Variants in LMBR1 observed in about 807,000 individuals in gnomAD.
LMBR1 encodes limb development membrane protein 1.
In LMBR1, 52 loss-of-function variants were observed where a neutral mutation model predicts 73.9. The observed-to-expected ratio is 0.70, with a 90% CI of 0.56 to 0.89. The LOEUF is 0.89. Among genes scored for constraint, LMBR1 ranks in the 40% least tolerant of loss-of-function variants. The probability of loss-of-function intolerance (pLI) is 0.00; values close to 1 mark genes in which losing one functional copy is unlikely to be tolerated. For synonymous variants in LMBR1, 215 were observed against 209.4 expected (o/e 1.03, Z -0.23); for missense variants, 539 against 579.8 (o/e 0.93, Z 0.72).
At chr7:156,816,231 A>T (rs1463775125) in intron 4 of LMBR1, among the ~76,000 whole-genome samples, 1 of 151,896 alleles carries the variant, frequency 6.6e-6, no homozygotes, top group Non-Finnish European at 1.5e-5. Flanking sequence ...TTGGAGACAG[A>T]GTCTCACTCT....
intron 1 of LMBR1, among the ~76,000 whole-genome samples, chr7:156,864,763 C>T (rs1340195882): frequency 6.6e-6 from 1 of 151,876 alleles, no homozygotes; most frequent in African/African-American, 2.4e-5. Flanking sequence ...TTGGGAGGCC[C>T]GACACGGGTG....
chr7:156,739,677 T>C (rs1287024268), intron 9 of LMBR1, among the ~76,000 whole-genome samples: 1 of 152,224 alleles, frequency 6.6e-6, no homozygotes, highest in African/African-American at 2.4e-5. Context: ...TTCTGGATCT[T>C]ATCTAAACCC....
At chr7:156,769,212 C>G (rs867374446) in intron 5 of LMBR1, among the ~76,000 whole-genome samples, 1 of 152,118 alleles carries the variant, frequency 6.6e-6, no homozygotes, top group Non-Finnish European at 1.5e-5. Flanking sequence ...ACCTGTAATC[C>G]CAGTGCTTCA....
In LMBR1 at chr7:156,768,689, T is replaced by C. The variant is rs140420614; in HGVS notation, c.424-4894A>G. On this transcript the variant is annotated intron_variant, in intron 5 of 16. Transcript: ENST00000353442. Reference sequence around the variant, plus strand: ...TTTCACATGAAACCTTGATACCAGGTAGCGCCAGGCAGGTTGAGCTCTGGA... The same window carrying C: ...TTTCACATGAAACCTTGATACCAGGCAGCGCCAGGCAGGTTGAGCTCTGGA... Among the ~76,000 whole-genome samples the C allele has an allele frequency of 3.9e-5, 6 of 152,262 alleles. No homozygotes were observed. In the East Asian group the frequency reaches 9.7e-4, roughly 25 times the overall value.
intron 1 of LMBR1, among the ~76,000 whole-genome samples, chr7:156,848,497 G>A (rs139461947): frequency 6.6e-6 from 1 of 152,290 alleles, no homozygotes; most frequent in Non-Finnish European, 1.5e-5. Flanking sequence ...CCAAGTCAGA[G>A]TGGCTATTAT....
At chr7:156,713,458 T>C (rs962854432) in intron 15 of LMBR1, among the ~76,000 whole-genome samples, 7 of 152,112 alleles carry the variant, frequency 4.6e-5, no homozygotes, top group African/African-American at 1.7e-4. Flanking sequence ...GTGGGAGATG[T>C]TGGCAGTGGG....
intron 5 of LMBR1, among the ~76,000 whole-genome samples, chr7:156,792,828 A>G (rs975514232): frequency 6.6e-6 from 1 of 152,144 alleles, no homozygotes; most frequent in Non-Finnish European, 1.5e-5. Context: ...GCCCAGGGGA[A>G]TCCATGGGAG....
intron 4 of LMBR1, among the ~76,000 whole-genome samples, chr7:156,811,665 G>A (rs1379086811): frequency 6.6e-6 from 1 of 152,134 alleles, no homozygotes; most frequent in Non-Finnish European, 1.5e-5. Flanking sequence ...CATCTCAGTT[G>A]CAGACTCAAG....
At chr7:156,884,851 T>C (rs1234559364) in intron 1 of LMBR1, among the ~76,000 whole-genome samples, 1 of 152,170 alleles carries the variant, frequency 6.6e-6, no homozygotes, top group African/African-American at 2.4e-5. Context: ...CAACCACTAT[T>C]CCCAAGTGGG....
chr7:156,852,801 A>G (rs1796416622), intron 1 of LMBR1, among the ~76,000 whole-genome samples: 1 of 152,230 alleles, frequency 6.6e-6, no homozygotes, highest in African/African-American at 2.4e-5. Flanking sequence ...GACCCGAACA[A>G]TAAAGAACAA....
Position 156,879,966 on chromosome 7 carries a change from G to C in LMBR1, c.66+12962C>G, listed in dbSNP as rs1800820556. ...GAGATTTGTTAAAGAACTAAAAGTA[G>C]AACTATCATTTGATCCAGCAATACC... On this transcript the variant is annotated intron_variant, in intron 1 of 16. Transcript: ENST00000353442. Among the ~76,000 whole-genome samples the C allele has an allele frequency of 1.3e-5, 2 of 152,166 alleles. 1 individual carries two copies. The highest frequency in any genetic ancestry group is 4.1e-4 in the South Asian group (2 of 4,834).
intron 4 of LMBR1, among the ~76,000 whole-genome samples, chr7:156,800,350 C>A (rs1441456257): frequency 6.6e-6 from 1 of 151,980 alleles, no homozygotes; most frequent in East Asian, 1.9e-4. Flanking sequence ...ATCCTAAAAC[C>A]CTTAAGAATT....
At chr7:156,696,662 A>G (rs1563153621) in intron 15 of LMBR1, among the ~76,000 whole-genome samples, 1 of 152,178 alleles carries the variant, frequency 6.6e-6, no homozygotes, top group Non-Finnish European at 1.5e-5. Context: ...CACCATCACA[A>G]CAACAGCATG....
At chr7:156,880,413 A>G (rs1278220770) in intron 1 of LMBR1, among the ~76,000 whole-genome samples, 1 of 152,130 alleles carries the variant, frequency 6.6e-6, no homozygotes, top group Non-Finnish European at 1.5e-5. Flanking sequence ...TGCTTGTGTG[A>G]TGGGTGCACC....
chr7:156,775,360 T>C (rs1825937300), intron 5 of LMBR1, among the ~76,000 whole-genome samples: 1 of 152,190 alleles, frequency 6.6e-6, no homozygotes, highest in African/African-American at 2.4e-5. Context: ...GAAGTGAGAC[T>C]ATGTCTCAAA....
intron 1 of LMBR1, among the ~76,000 whole-genome samples, chr7:156,853,154 G>A (rs10258503): frequency 0.91 from 137,832 of 151,898 alleles, 62,794 homozygotes; most frequent in African/African-American, 0.98. Flanking sequence ...TAGCCAGGAT[G>A]GTCTCGATCT....
intron 15 of LMBR1, among the ~76,000 whole-genome samples, chr7:156,720,231 T>C (rs560863306): frequency 2.2e-4 from 34 of 152,170 alleles, no homozygotes; most frequent in Non-Finnish European, 4.9e-4. Flanking sequence ...ATATCCAGAA[T>C]CTACAATGAA....
chr7:156,892,371 C>G (rs1803180830), intron 1 of LMBR1: 2 of 152,268 alleles, frequency 1.3e-5, no homozygotes, highest in Non-Finnish European at 2.9e-5. Flanking sequence ...CGGCCGGGTC[C>G]AAACGCGAGA....
chr7:156,892,877 G>A, intron 1 of LMBR1, 51 bp downstream of exon 1: 2 of 1,351,678 alleles, frequency 1.5e-6, no homozygotes, highest in Non-Finnish European at 1.9e-6. Flanking sequence ...CGGGGACGGA[G>A]GGCCCGGGCG....
Sources: gnomAD v4.1 joint callset for allele counts (sites outside exome capture counted in the v4.1 genomes callset) on GRCh38, gnomAD v4.1.1 for gene constraint, MANE v1.5 for transcripts, NCBI Gene and HGNC (gene_info 2026-07-23, HGNC 2026-07-21) for gene names.